Variants in AKAP9 observed in about 807,000 individuals in gnomAD.
The protein encoded by AKAP9 is A-kinase anchor protein 9.
In AKAP9, 311 loss-of-function variants were observed where a neutral mutation model predicts 488.5. The observed-to-expected ratio is 0.64, with a 90% CI of 0.58 to 0.70. AKAP9 has a LOEUF of 0.70. Ranked by LOEUF, AKAP9 falls within the 30% of genes least tolerant of loss-of-function variation. The probability of loss-of-function intolerance (pLI) is 0.00; values close to 1 mark genes in which losing one functional copy is unlikely to be tolerated. For synonymous variants in AKAP9, 1,462 were observed against 1,483.5 expected, an observed-to-expected ratio of 0.99 and a Z score of 0.33; for missense variants, 4,215 against 4,374.5, an observed-to-expected ratio of 0.96 and a Z score of 1.03.
At chr7:92,035,479 T>G (rs529642134) in intron 16 of AKAP9, among the ~76,000 whole-genome samples, 2 of 152,366 alleles carry the variant, frequency 1.3e-5, no homozygotes, top group South Asian at 4.1e-4. Context: ...AAACCTTCCT[T>G]TAGCATTTCT....
intron 1 of AKAP9, among the ~76,000 whole-genome samples, chr7:91,968,898 G>A (rs898327845): frequency 5.3e-5 from 8 of 151,890 alleles, no homozygotes; most frequent in African/African-American, 1.9e-4. Context: ...TTGAGACAGG[G>A]CCTTTCTCTG....
At chr7:92,050,206 A>G (rs956822246) in intron 21 of AKAP9, among the ~76,000 whole-genome samples, 9 of 145,314 alleles carry the variant, frequency 6.2e-5, no homozygotes, top group Non-Finnish European at 1.0e-4. Context: ...CTGGAACTAC[A>G]GGCACGTGCC....
intron 21 of AKAP9, among the ~76,000 whole-genome samples, chr7:92,050,972 G>A (rs780002469): frequency 5.3e-5 from 8 of 152,068 alleles, no homozygotes; most frequent in Non-Finnish European, 1.2e-4. Context: ...TCCAACCTGT[G>A]CTTTCTCAAT....
chr7:92,032,162 T>C (rs750477312), intron 16 of AKAP9, among the ~76,000 whole-genome samples: 1 of 152,216 alleles, frequency 6.6e-6, no homozygotes, highest in Non-Finnish European at 1.5e-5. Flanking sequence ...TTGTTTTGTC[T>C]TTGTATTCCT....
intron 17 of AKAP9, among the ~76,000 whole-genome samples, chr7:92,039,247 A>G (rs1805662641): frequency 6.6e-6 from 1 of 152,192 alleles, no homozygotes; most frequent in African/African-American, 2.4e-5. Flanking sequence ...AGATATATGG[A>G]TAAGTGACTT....
intron 37 of AKAP9, among the ~76,000 whole-genome samples, chr7:92,086,633 A>C (rs1814621523): frequency 6.6e-6 from 1 of 152,234 alleles, no homozygotes; most frequent in Non-Finnish European, 1.5e-5. Flanking sequence ...TTAGAAAAAG[A>C]GCAACAGAAT....
intron 31 of AKAP9, among the ~76,000 whole-genome samples, chr7:92,081,876 A>G (rs1290639250): frequency 2.0e-5 from 3 of 152,186 alleles, no homozygotes; most frequent in African/African-American, 4.8e-5. Context: ...TTCTATAATT[A>G]TATATTTTGC....
rs780366419 is a variant in AKAP9, at chr7:92,097,325, A to G, written c.10366A>G (p.Ser3456Gly). ...QELEREEKRESRRILYQNLNE... is the reference protein window; with the variant it reads ...QELEREEKREGRRILYQNLNE... ...ACTAGAACGAGAAGAAAAACGAGAA[A>G]GTAGAAGAATTCTGTATCAGAACCT... is the stretch of plus-strand genomic sequence containing the variant. Residue 3456 changes from serine to glycine, a missense_variant, in exon 41 of 50, where the codon AGT becomes GGT. Ser to Gly is a moderately conservative substitution (Grantham distance 56). Around this residue, in one of 5 missense-constraint regions of AKAP9, gnomAD observed 1,476 missense variants for 1,477.4 expected, o/e 1.00. Transcript: ENST00000356239. 1 of 1,613,720 alleles carries G rather than the reference A, an allele frequency of 6.2e-7. No homozygotes were observed. The highest frequency in any genetic ancestry group is 1.3e-5 in the African/African-American group (1 of 75,064).
chr7:92,095,309 C>G, intron 40 of AKAP9, 136 bp downstream of exon 40: 1 of 946,780 alleles, frequency 1.1e-6, no homozygotes, highest in South Asian at 1.5e-5. Context: ...GCATTGAATA[C>G]TACATAAACC....
In AKAP9 at chr7:92,107,297, A is replaced by G; in HGVS notation, c.11421A>G (p.Ala3807=). ...NRDGFGLNQG[A]EKTDSFYHSS... is the part of the protein sequence containing the mutation. ...GAATATTTTGGGTTACTTTAGGTGC[A>G]GAAAAGACTGACTCATTTTATCATT... Residue 3807 remains alanine, a synonymous_variant, in exon 48 of 50, where the codon GCA becomes GCG. Transcript: ENST00000356239. The G allele has an allele frequency of 6.2e-7, 1 of 1,613,968 alleles. No homozygotes were observed. The highest frequency in any genetic ancestry group is 1.1e-5 in the South Asian group (1 of 91,078).
intron 21 of AKAP9, among the ~76,000 whole-genome samples, chr7:92,047,079 ATATTTATGTTCATTTTCCATGAG>A (rs1807129145): frequency 6.6e-6 from 1 of 152,216 alleles, no homozygotes; most frequent in South Asian, 2.1e-4. Context: ...ACAGAGGATT[ATATTTATGTTCATTTTCCATGAG>A]AAAGCAGACC....
intron 12 of AKAP9, among the ~76,000 whole-genome samples, chr7:92,021,483 G>A (rs937200814): frequency 2.0e-5 from 3 of 152,038 alleles, no homozygotes; most frequent in Non-Finnish European, 4.4e-5. Flanking sequence ...CTGTCTCCCA[G>A]GCTAGAGTGC....
intron 31 of AKAP9, among the ~76,000 whole-genome samples, chr7:92,082,146 ACTGGCCTCAAACTC>A (rs1430612470): frequency 3.3e-5 from 5 of 151,894 alleles, no homozygotes; most frequent in African/African-American, 9.7e-5. Flanking sequence ...CGTTGCCCAG[ACTGGCCTCAAACTC>A]CTGGCCTCAA....
intron 3 of AKAP9, among the ~76,000 whole-genome samples, chr7:91,985,359 CT>C (rs1416859108): frequency 6.6e-6 from 1 of 152,120 alleles, no homozygotes; most frequent in Non-Finnish European, 1.5e-5. Context: ...TTTTCTGCAT[CT>C]ATTGAGATAA....
chr7:92,079,595 G>A lies in AKAP9; in HGVS notation c.7462G>A (p.Glu2488Lys). The stretch of plus-strand genomic sequence containing the variant: ...TCAGACATACTTCAAATCTTTTGAA[G>A]AAAATGGCAAAGGTTCCATAATTAA... The part of the protein sequence containing the change: ...ENQTYFKSFE[E>K]NGKGSIINLE... Residue 2488 changes from glutamate (E) to lysine (K), a missense_variant, in exon 31 of 50, where the codon GAA becomes AAA. Coordinates refer to ENST00000356239, the MANE Select transcript of AKAP9 (RefSeq NM_005751.5). 1 of 1,613,866 alleles carries A rather than the reference G, an allele frequency of 6.2e-7. No individual in the cohort carries two copies. Among genetic ancestry groups the A allele is most frequent in the Non-Finnish European group, 8.5e-7 (1 of 1,179,980 alleles).
intron 48 of AKAP9, among the ~76,000 whole-genome samples, chr7:92,108,086 G>T (rs899247206): frequency 1.3e-5 from 2 of 151,818 alleles, no homozygotes; most frequent in Non-Finnish European, 2.9e-5. Flanking sequence ...AAAAACCAGT[G>T]TTTAAATTTG....
chr7:92,042,117 A>G lies in AKAP9; in HGVS notation c.4989A>G (p.Leu1663=), dbSNP rs1806212620. ...TGCTTTTAGAGGAGCTGGAAGCACTAAAGCAGCTGTCTTTAGCTGGAAGAG... is the reference window on the plus strand; with the variant it reads ...TGCTTTTAGAGGAGCTGGAAGCACTGAAGCAGCTGTCTTTAGCTGGAAGAG... The part of the protein sequence containing the change: ...ERVLLEELEA[L]KQLSLAGREK... The change falls in exon 19 of 50, where the codon CTA becomes CTG. Residue 1663 remains leucine, a synonymous_variant. Coordinates refer to ENST00000356239, the MANE Select transcript of AKAP9 (RefSeq NM_005751.5). 1 of 1,614,050 alleles carries G rather than the reference A, an allele frequency of 6.2e-7. No individual in the cohort carries two copies. Among genetic ancestry groups the G allele is most frequent in the Non-Finnish European group, 8.5e-7 (1 of 1,179,960 alleles).
chr7:92,000,123 G>A (rs1420020539), intron 7 of AKAP9, among the ~76,000 whole-genome samples: 5 of 152,234 alleles, frequency 3.3e-5, no homozygotes, highest in Non-Finnish European at 4.4e-5. Context: ...GTGTCTGGGC[G>A]TAGCCCTATC....
In AKAP9 at chr7:92,040,786, A is replaced by G. The variant is rs1805968176; in HGVS notation, c.4805A>G (p.Gln1602Arg). Residue 1602 changes from glutamine to arginine, a missense_variant, in exon 18 of 50, where the codon CAA (glutamine) becomes CGA (arginine). Transcript: ENST00000356239. Reference protein sequence around the residue: ...QELVRQYQEHQQATELLRQAH... With the variant: ...QELVRQYQEHRQATELLRQAH... ...CTTGTACGACAATACCAAGAACATC[A>G]ACAGGCAACGGAATTGTTAAGGCAA... 1.9e-6 allele frequency: 3 copies of G among 1,613,958 alleles called. No individual in the cohort carries two copies. Among genetic ancestry groups the G allele is most frequent in the African/African-American group, 1.3e-5 (1 of 74,902 alleles).
Sources: allele counts gnomAD v4.1 joint callset (sites outside exome capture counted in the v4.1 genomes callset), GRCh38; gene constraint gnomAD v4.1.1; regional missense constraint gnomAD v4.1.1; transcripts MANE v1.5; gene names NCBI Gene and HGNC (gene_info 2026-07-23, HGNC 2026-07-21).